The following TRABD2B variants were observed in gnomAD, a reference collection of about 807,000 sequenced individuals.
TRABD2B encodes TraB domain containing 2B, also known as metalloprotease TIKI2.
Under a neutral mutation model 40.1 loss-of-function variants are expected in TRABD2B, and 14 were observed. That is an observed-to-expected ratio of 0.35 (90% CI 0.23 to 0.55). TRABD2B has a LOEUF of 0.55. Among genes scored for constraint, TRABD2B ranks in the 20% least tolerant of loss-of-function variants. The pLI is 0.90. For synonymous variants in TRABD2B, 263 were observed against 277.0 expected (o/e 0.95, Z 0.50); for missense variants, 541 against 648.6 (o/e 0.83, Z 1.80).
intron 2 of TRABD2B, among the ~76,000 whole-genome samples, chr1:47,896,001 G>A (rs1294187482): frequency 3.3e-5 from 5 of 152,350 alleles, no homozygotes; most frequent in African/African-American, 4.8e-5. Flanking sequence ...AATGGCTGCC[G>A]GGGGCATGGT....
intron 2 of TRABD2B, among the ~76,000 whole-genome samples, chr1:47,891,968 G>A (rs1327077046): frequency 6.6e-6 from 1 of 152,240 alleles, no homozygotes; most frequent in African/African-American, 2.4e-5. Context: ...AGGCTCTTAG[G>A]CCACATTAGG....
At chr1:47,851,863 C>T (rs1000099261) in intron 2 of TRABD2B, among the ~76,000 whole-genome samples, 3 of 152,274 alleles carry the variant, frequency 2.0e-5, no homozygotes, top group Non-Finnish European at 2.9e-5. Context: ...AGAGAAATTG[C>T]GGAAATAGCT....
rs919553420 is a variant in TRABD2B, at chr1:47,794,525, G to A, written c.988+61C>T. On this transcript the variant is annotated intron_variant, in intron 4 of 6. Transcript: ENST00000606738. ...CTCCCTCGATGAAGTAGAGGTTAGG[G>A]GAGAGCCAAGCAAATCTCCCAGGAT... 4 of 1,462,698 alleles carry A rather than the reference G, an allele frequency of 2.7e-6. No individual in the cohort carries two copies. In the African/African-American group the frequency reaches 4.2e-5, roughly 15 times the overall value. 90.6% of individuals were successfully genotyped at this position (1,462,698 alleles called of 1,614,324 possible).
chr1:47,947,916 C>T (rs1187993540), intron 2 of TRABD2B, among the ~76,000 whole-genome samples: 3 of 152,152 alleles, frequency 2.0e-5, no homozygotes, highest in African/African-American at 7.2e-5. Context: ...CAGGCCTAGA[C>T]CTGATTCCTA....
At chr1:47,778,580 G>A in intron 4 of TRABD2B, 36 bp from the exon 5 acceptor site, 1 of 1,485,018 alleles carries the variant, frequency 6.7e-7, no homozygotes, top group Non-Finnish European at 9.1e-7. Context: ...TCAGCCACAT[G>A]CCAGGCCACC....
At chr1:47,781,755 TC>T (rs2124116445) in intron 4 of TRABD2B, among the ~76,000 whole-genome samples, 1 of 152,286 alleles carries the variant, frequency 6.6e-6, no homozygotes, top group South Asian at 2.1e-4. Flanking sequence ...GAGGCGCCAT[TC>T]CCATGTGGCC....
At chr1:47,906,927 T>C (rs1644686629) in intron 2 of TRABD2B, among the ~76,000 whole-genome samples, 1 of 152,222 alleles carries the variant, frequency 6.6e-6, no homozygotes, top group African/African-American at 2.4e-5. Context: ...ATAGGCACAA[T>C]GTTAGAAAAC....
chr1:47,963,107 A>G (rs1345454218), intron 2 of TRABD2B, among the ~76,000 whole-genome samples: 1 of 152,252 alleles, frequency 6.6e-6, no homozygotes, highest in Non-Finnish European at 1.5e-5. Flanking sequence ...TGTCTGTGCC[A>G]GGGCAGTGAG....
intron 2 of TRABD2B, among the ~76,000 whole-genome samples, chr1:47,914,353 G>A (rs1644801176): frequency 6.6e-6 from 1 of 152,228 alleles, no homozygotes; most frequent in South Asian, 2.1e-4. Flanking sequence ...GTTTTTCTTA[G>A]GGAGTTTCCT....
intron 2 of TRABD2B, among the ~76,000 whole-genome samples, chr1:47,894,680 C>A (rs761070586): frequency 1.3e-4 from 20 of 152,096 alleles, no homozygotes; most frequent in Non-Finnish European, 2.5e-4. Context: ...CAATTAGCAC[C>A]CCACCAGCAG....
chr1:47,780,223 T>C (rs1305792427), intron 4 of TRABD2B, among the ~76,000 whole-genome samples: 2 of 152,174 alleles, frequency 1.3e-5, no homozygotes, highest in Non-Finnish European at 2.9e-5. Context: ...CAGAGGGCTC[T>C]AGTCTGGCAA....
At chr1:47,778,575 C>A (rs1186555867) in intron 4 of TRABD2B, 31 bp from the exon 5 acceptor site, 2 of 1,507,444 alleles carry the variant, frequency 1.3e-6, no homozygotes, top group Non-Finnish European at 1.8e-6. Flanking sequence ...GGGGCTCAGC[C>A]ACATGCCAGG....
chr1:47,800,410 G>T (rs1045390921), intron 3 of TRABD2B, among the ~76,000 whole-genome samples: 5 of 152,184 alleles, frequency 3.3e-5, no homozygotes, highest in Admixed American at 1.3e-4. Flanking sequence ...TCGGCAGAGG[G>T]AGCAGCCAGT....
At chr1:47,772,384 C>T (rs1215153167) in intron 6 of TRABD2B, among the ~76,000 whole-genome samples, 1 of 151,790 alleles carries the variant, frequency 6.6e-6, no homozygotes, top group East Asian at 2.0e-4. Context: ...TGGCACTCAG[C>T]CTGGTGAGGA....
intron 2 of TRABD2B, among the ~76,000 whole-genome samples, chr1:47,953,007 C>T (rs987376966): frequency 6.6e-6 from 1 of 152,208 alleles, no homozygotes; most frequent in African/African-American, 2.4e-5. Context: ...GCATCTCTGG[C>T]CCCAGGTTCT....
chr1:47,828,985 C>T (rs1645213715), intron 2 of TRABD2B, among the ~76,000 whole-genome samples: 2 of 152,186 alleles, frequency 1.3e-5, no homozygotes, highest in African/African-American at 4.8e-5. Flanking sequence ...GATGCAGGAA[C>T]CATGGCTGGA....
intron 2 of TRABD2B, among the ~76,000 whole-genome samples, chr1:47,918,349 A>G (rs1460848621): frequency 1.3e-5 from 2 of 152,262 alleles, no homozygotes; most frequent in Admixed American, 6.5e-5. Flanking sequence ...TTTGGAGAAC[A>G]GACTGTCTGT....
At chr1:47,800,774 G>A (rs553313111) in intron 3 of TRABD2B, among the ~76,000 whole-genome samples, 28 of 152,260 alleles carry the variant, frequency 1.8e-4, no homozygotes, top group African/African-American at 6.5e-4. Context: ...TGACCAAGTG[G>A]GAGGAACCCT....
intron 2 of TRABD2B, among the ~76,000 whole-genome samples, chr1:47,929,553 C>A (rs940354731): frequency 1.3e-5 from 2 of 152,214 alleles, no homozygotes; most frequent in African/African-American, 4.8e-5. Flanking sequence ...CTCCCTCATC[C>A]TGTGCTCTCA....
Sources: allele counts gnomAD v4.1 joint callset (sites outside exome capture counted in the v4.1 genomes callset), GRCh38; gene constraint gnomAD v4.1.1; transcripts MANE v1.5; gene names NCBI Gene and HGNC (gene_info 2026-07-23, HGNC 2026-07-21).